Variants in DRC11 observed in about 807,000 individuals in gnomAD.
The protein encoded by DRC11 is IQ and AAA domain-containing protein 1.
chr2:236,423,370 G>A, the DRC11 span, among the ~76,000 whole-genome samples: 5 of 151,594 alleles, frequency 3.3e-5, no homozygotes, highest in South Asian at 2.1e-4. Context: ...AAAAAACAAC[G>A]CCATCAACAA....
the DRC11 span, among the ~76,000 whole-genome samples, chr2:236,349,749 T>C: frequency 6.6e-6 from 1 of 151,756 alleles, no homozygotes; most frequent in African/African-American, 2.4e-5. This position sits in a 1 kb window ranked among gnomAD's most constrained non-coding sequence, Gnocchi z 5.5. Context: ...AGGAGGAAAA[T>C]GAGTGGAAAA....
At chr2:236,451,362 CAT>C in the DRC11 span, among the ~76,000 whole-genome samples, 344 of 148,964 alleles carry the variant, frequency 2.3e-3, 9 homozygotes, top group East Asian at 0.053. Flanking sequence ...AAACACTTTA[CAT>C]ATATATATAT....
At chr2:236,318,851 T>A in the DRC11 span, among the ~76,000 whole-genome samples, 1 of 152,118 alleles carries the variant, frequency 6.6e-6, no homozygotes, top group Non-Finnish European at 1.5e-5. This position sits in a 1 kb window ranked among gnomAD's most constrained non-coding sequence, Gnocchi z 7.0. Flanking sequence ...ACAACCCTCT[T>A]GACAGCACCC....
At chr2:236,370,291 C>T in the DRC11 span, among the ~76,000 whole-genome samples, 5 of 152,176 alleles carry the variant, frequency 3.3e-5, no homozygotes, top group African/African-American at 1.2e-4. The surrounding 1 kb of genome is among the most constrained non-coding windows in gnomAD (Gnocchi z 5.5). Context: ...CTCCATCCAG[C>T]CACTTGCTTA....
the DRC11 span, among the ~76,000 whole-genome samples, chr2:236,413,690 G>A: frequency 6.6e-6 from 1 of 152,166 alleles, no homozygotes; most frequent in Non-Finnish European, 1.5e-5. This position sits in a 1 kb window ranked among gnomAD's most constrained non-coding sequence, Gnocchi z 4.0. Flanking sequence ...CTTTCCAGAA[G>A]AAGTTAGCAC....
At chr2:236,439,970 C>T in the DRC11 span, among the ~76,000 whole-genome samples, 2 of 152,080 alleles carry the variant, frequency 1.3e-5, no homozygotes, top group Admixed American at 1.3e-4. Context: ...TTTAAAGAAT[C>T]GTAAAATATG....
At chr2:236,436,267 T>C in the DRC11 span, among the ~76,000 whole-genome samples, 2 of 152,208 alleles carry the variant, frequency 1.3e-5, no homozygotes, top group African/African-American at 2.4e-5. Flanking sequence ...AAAATACCCA[T>C]TGTCATACAT....
the DRC11 span, chr2:236,332,950 C>G: frequency 6.6e-6 from 1 of 152,122 alleles, no homozygotes; most frequent in South Asian, 2.1e-4. The surrounding 1 kb of genome is among the most constrained non-coding windows in gnomAD (Gnocchi z 5.1). Context: ...CACAGGGACC[C>G]CAAATTGGCC....
chr2:236,422,423 C>T, the DRC11 span, among the ~76,000 whole-genome samples: 1 of 152,048 alleles, frequency 6.6e-6, no homozygotes, highest in East Asian at 1.9e-4. Context: ...AAACAGAGAG[C>T]CAAATCATGA....
chr2:236,428,416 G>C, the DRC11 span, among the ~76,000 whole-genome samples: 1 of 152,076 alleles, frequency 6.6e-6, no homozygotes, highest in African/African-American at 2.4e-5. Context: ...TATATGCTCT[G>C]ATGTTTGGTA....
chr2:236,411,238 C>T, the DRC11 span, among the ~76,000 whole-genome samples: 943 of 152,258 alleles, frequency 6.2e-3, 11 homozygotes, highest in African/African-American at 0.021. Context: ...CGGTGAAGGA[C>T]ATGAACAGAC....
chr2:236,394,604 C>T, the DRC11 span, among the ~76,000 whole-genome samples: 254 of 150,838 alleles, frequency 1.7e-3, no homozygotes, highest in African/African-American at 5.6e-3. This position sits in a 1 kb window ranked among gnomAD's most constrained non-coding sequence, Gnocchi z 7.0. Flanking sequence ...GGCGACAGAG[C>T]GAGACTGTCT....
chr2:236,416,726 TATA>T, the DRC11 span, among the ~76,000 whole-genome samples: 3 of 19,344 alleles, frequency 1.6e-4, no homozygotes, highest in South Asian at 1.6e-3. Context: ...TATATTTATA[TATA>T]TATATATATA....
At chr2:236,376,337 G>A in the DRC11 span, among the ~76,000 whole-genome samples, 3 of 152,180 alleles carry the variant, frequency 2.0e-5, no homozygotes, top group South Asian at 2.1e-4. The surrounding 1 kb of genome is among the most constrained non-coding windows in gnomAD (Gnocchi z 5.7). Context: ...ACAATCACTT[G>A]CACCATCCTT....
the DRC11 span, among the ~76,000 whole-genome samples, chr2:236,393,283 C>G: frequency 6.6e-6 from 1 of 152,228 alleles, no homozygotes; most frequent in Admixed American, 6.5e-5. This position sits in a 1 kb window ranked among gnomAD's most constrained non-coding sequence, Gnocchi z 4.7. Flanking sequence ...AGCTGAGGAC[C>G]CAGGGCACAG....
At chr2:236,417,089 C>T in the DRC11 span, among the ~76,000 whole-genome samples, 6 of 149,612 alleles carry the variant, frequency 4.0e-5, no homozygotes, top group East Asian at 2.0e-4. Context: ...AGGCTGGTCT[C>T]GAACTCCTGA....
the DRC11 span, among the ~76,000 whole-genome samples, chr2:236,358,025 TA>T: frequency 1.7e-5 from 2 of 117,504 alleles, no homozygotes; most frequent in African/African-American, 6.9e-5. Flanking sequence ...ATAGATATAA[TA>T]TGAATATATA....
At chr2:236,382,378 T>C in the DRC11 span, among the ~76,000 whole-genome samples, 2 of 152,224 alleles carry the variant, frequency 1.3e-5, no homozygotes, top group African/African-American at 2.4e-5. Flanking sequence ...ATTGAGTAAA[T>C]TGGTCCTTCT....
At chr2:236,400,920 T>C in the DRC11 span, among the ~76,000 whole-genome samples, 3 of 152,160 alleles carry the variant, frequency 2.0e-5, no homozygotes, top group Non-Finnish European at 2.9e-5. The surrounding 1 kb of genome is among the most constrained non-coding windows in gnomAD (Gnocchi z 7.9). Flanking sequence ...GGGGTCTCCC[T>C]GCTTCTGCCT....
Sources: gnomAD v4.1 joint callset for allele counts (sites outside exome capture counted in the v4.1 genomes callset) on GRCh38, gnomAD v4.1.1 for gene constraint, Gnocchi (gnomAD v3.1) non-coding constraint, MANE v1.5 for transcripts, NCBI Gene and HGNC (gene_info 2026-07-23, HGNC 2026-07-21) for gene names.